ZNF112: variants seen among roughly 807,000 people sequenced by gnomAD.
ZNF112 encodes the protein zinc finger protein 112.
A neutral mutation model predicts 77.7 loss-of-function variants in ZNF112; 37 were observed. The observed-to-expected ratio is 0.48, with a 90% CI of 0.37 to 0.63. The LOEUF (loss-of-function observed/expected upper bound fraction) is 0.63. ZNF112 is among the 20% of genes least tolerant of loss of function. The pLI is 0.00. For synonymous variants in ZNF112, 333 were observed against 363.6 expected, an observed-to-expected ratio of 0.92 and a Z score of 0.96; for missense variants, 950 against 1,077.4, an observed-to-expected ratio of 0.88 and a Z score of 1.66.
intron 1 of ZNF112, chr19:44,343,259 AT>A: frequency 6.2e-7 from 1 of 1,613,656 alleles, no homozygotes; most frequent in Non-Finnish European, 8.5e-7. Flanking sequence ...CTCACCTGGA[AT>A]TTGGTCATTT....
rs1446463927 is a variant in ZNF112, at chr19:44,328,818, T to A, written c.1339A>T (p.Ser447Cys). 2 of 1,614,078 alleles carry A rather than the reference T, an allele frequency of 1.2e-6. No homozygotes were observed. Among genetic ancestry groups the A allele is most frequent in the South Asian group, 2.2e-5 (2 of 91,082 alleles). ...YNSEECGNGF[S>C]LASHFQDLQI... The stretch of plus-strand genomic sequence containing the variant: ...AGGTCCTGAAAATGTGAGGCCAGAC[T>A]GAAGCCATTACCACACTCCTCAGAA... Residue 447 changes from serine (S) to cysteine (C), a missense_variant, in exon 4 of 4, where the codon AGT (serine) becomes TGT (cysteine). Physicochemically the swap from Ser to Cys is moderately radical, Grantham distance 112. This residue lies in a region of ZNF112 where 560 missense variants were observed against 557.3 expected (regional missense o/e 1.00). Coordinates refer to ENST00000354340, the MANE Select transcript of ZNF112 (RefSeq NM_013380.4).
At chr19:44,360,519 G>C (rs537149352), upstream of ZNF112, among the ~76,000 whole-genome samples, 1 of 152,186 alleles carries the variant, frequency 6.6e-6, no homozygotes, top group Non-Finnish European at 1.5e-5. Context: ...TCTATGATGG[G>C]GAACAAAATA....
In ZNF112 at chr19:44,328,285, G is replaced by A; in HGVS notation, c.1872C>T (p.Val624=). 6.2e-7 allele frequency: 1 copy of A among 1,613,520 alleles called. No individual in the cohort carries two copies. The highest frequency in any genetic ancestry group is 8.5e-7 in the Non-Finnish European group (1 of 1,179,882). The change falls in exon 4 of 4, where the codon GTC becomes GTT. Residue 624 remains valine, a synonymous_variant. Transcript: ENST00000354340. ...RSSHLQGHQR[V]HTGEKPFKCE... is the part of the protein sequence containing the mutation. ...ATTTGAATGGTTTTTCTCCAGTGTG[G>A]ACTCTCTGATGGCCTTGAAGGTGTG...
At chr19:44,356,575 C>G (rs958382432) in intron 1 of ZNF112, 51 bp downstream of exon 1, 4 of 152,334 alleles carry the variant, frequency 2.6e-5, no homozygotes, top group African/African-American at 9.7e-5. Context: ...CCCAACAAAA[C>G]GAACATCAGT....
intron 1 of ZNF112, chr19:44,343,232 G>T (rs753558007): frequency 4.3e-6 from 7 of 1,612,680 alleles, no homozygotes; most frequent in Non-Finnish European, 5.9e-6. Flanking sequence ...ATGTAAAACG[G>T]CATAAATGAA....
chr19:44,362,626 G>A (rs746233842), intron 1 of ZNF112, among the ~76,000 whole-genome samples: 4 of 151,596 alleles, frequency 2.6e-5, no homozygotes, highest in Non-Finnish European at 4.4e-5. Flanking sequence ...CAGATAAAGC[G>A]TCCACAGACC....
At chr19:44,342,037 G>T (rs907152105) in intron 1 of ZNF112, among the ~76,000 whole-genome samples, 1 of 152,186 alleles carries the variant, frequency 6.6e-6, no homozygotes, top group Non-Finnish European at 1.5e-5. Context: ...CGACTCTACA[G>T]TTCCCCTCCA....
exon 1 of ZNF112, chr19:44,367,133 C>G (rs2571074): frequency 0.09 from 40,847 of 455,780 alleles, 2,090 homozygotes; most frequent in African/African-American, 0.14. Flanking sequence ...TTCTCGAAGA[C>G]AAGGAGGGCC....
intron 1 of ZNF112, among the ~76,000 whole-genome samples, chr19:44,349,386 A>C (rs1421017087): frequency 6.6e-6 from 1 of 152,068 alleles, no homozygotes; most frequent in East Asian, 1.9e-4. Flanking sequence ...ACAGAAAAAC[A>C]GACTTTGTTA....
intron 3 of ZNF112, among the ~76,000 whole-genome samples, chr19:44,336,412 G>A (rs1970367040): frequency 2.0e-5 from 3 of 152,198 alleles, no homozygotes; most frequent in Admixed American, 2.0e-4. Context: ...GACTGAATGA[G>A]CAAAAACAAA....
chr19:44,327,502 G>A lies in ZNF112; in HGVS notation c.2655C>T (p.Ser885=), dbSNP rs540850909. 35 of 1,613,756 alleles carry A rather than the reference G, an allele frequency of 2.2e-5. 1 individual carries two copies. In the South Asian group the frequency reaches 3.1e-4, roughly 14 times the overall value. ...AAGGGTAGTCCTTACCATAGTCTTCGCTTTTATAGAATTTATCACTACTAT... is the reference window on the plus strand; with the variant it reads ...AAGGGTAGTCCTTACCATAGTCTTCACTTTTATAGAATTTATCACTACTAT... The part of the protein sequence containing the change: ...RVHSSDKFYK[S]EDYGKDYPSS... The change falls in exon 4 of 4, where the codon AGC becomes AGT. Residue 885 remains serine (S), a synonymous_variant. Transcript: ENST00000354340.
At chr19:44,359,315 CTTTTTTTTTTTTTTTTTT>C (rs767955186), upstream of ZNF112, among the ~76,000 whole-genome samples, 1 of 54,834 alleles carries the variant, frequency 1.8e-5, no homozygotes, top group Non-Finnish European at 3.5e-5. Context: ...TATTAGAGTT[CTTTTTTTTTTTTTTTTTT>C]TTTTTTTTTT....
upstream of ZNF112, among the ~76,000 whole-genome samples, chr19:44,356,879 T>G (rs576633020): frequency 2.6e-5 from 4 of 152,174 alleles, no homozygotes; most frequent in African/African-American, 4.8e-5. Flanking sequence ...CTGGATGATA[T>G]TTCACATGTG....
chr19:44,361,048 T>C (rs376859202), upstream of ZNF112, among the ~76,000 whole-genome samples: 130 of 152,328 alleles, frequency 8.5e-4, 3 homozygotes, highest in African/African-American at 2.9e-3. Context: ...TGCAATACCA[T>C]GATGACTCCC....
Position 44,329,044 on chromosome 19 carries a change from A to C in ZNF112, c.1113T>G (p.Ile371Met). Residue 371 changes from isoleucine to methionine, a missense_variant, in exon 4 of 4, where the codon ATT becomes ATG. Ile to Met is a conservative substitution (Grantham distance 10, BLOSUM62 1). Coordinates refer to ENST00000354340, the MANE Select transcript of ZNF112 (RefSeq NM_013380.4). ...AFSHSLDLNS[I>M]FRVHTRDEPH... ...GTTCATCCCTAGTATGGACCCTAAA[A>C]ATACTATTAAGGTCTAAGCTATGAC... 6.2e-7 allele frequency: 1 copy of C among 1,613,924 alleles called. No individual in the cohort carries two copies. The highest frequency in any genetic ancestry group is 8.5e-7 in the Non-Finnish European group (1 of 1,179,976).
At chr19:44,352,984 T>C (rs1205986369) in intron 1 of ZNF112, among the ~76,000 whole-genome samples, 1 of 152,048 alleles carries the variant, frequency 6.6e-6, no homozygotes, top group Non-Finnish European at 1.5e-5. Flanking sequence ...AAGCTGATTC[T>C]AAAATGCATA....
chr19:44,340,799 T>A (rs935457317), intron 1 of ZNF112, among the ~76,000 whole-genome samples: 5 of 152,236 alleles, frequency 3.3e-5, no homozygotes, highest in African/African-American at 1.2e-4. Flanking sequence ...AGGTTACCAA[T>A]ATTTTAAATT....
intron 2 of ZNF112, among the ~76,000 whole-genome samples, chr19:44,339,954 G>C (rs1970458823): frequency 6.6e-6 from 1 of 152,044 alleles, no homozygotes; most frequent in African/African-American, 2.4e-5. Flanking sequence ...TGTATGGAGA[G>C]GGAAAGAACA....
chr19:44,363,543 G>A (rs1207602955), intron 1 of ZNF112, among the ~76,000 whole-genome samples: 4 of 151,998 alleles, frequency 2.6e-5, no homozygotes, highest in Non-Finnish European at 4.4e-5. Context: ...GGAACCATAC[G>A]GTAAGAACTC....
Sources: gnomAD v4.1 joint callset for allele counts (sites outside exome capture counted in the v4.1 genomes callset) on GRCh38, gnomAD v4.1.1 for gene constraint, gnomAD v4.1.1 regional missense constraint, MANE v1.5 for transcripts, NCBI Gene and HGNC (gene_info 2026-07-23, HGNC 2026-07-21) for gene names.